Variants in GTF3C2 observed in about 807,000 individuals in gnomAD.
GTF3C2 encodes general transcription factor 3C polypeptide 2.
In GTF3C2, 17 loss-of-function variants were observed where a neutral mutation model predicts 117.4. That is an observed-to-expected ratio of 0.14 (90% confidence interval 0.10 to 0.22). GTF3C2 has a LOEUF of 0.22. Among genes scored for constraint, GTF3C2 ranks in the 10% least tolerant of loss-of-function variants. The pLI is 1.00. For synonymous variants in GTF3C2, 437 were observed against 427.0 expected (o/e 1.02, Z -0.29); for missense variants, 888 against 1,143.6 (o/e 0.78, Z 3.22).
chr2:27,356,228 C>A, intron 1 of GTF3C2: 1 of 552,336 alleles, frequency 1.8e-6, no homozygotes. Context: ...ACGCCAATGG[C>A]GTTGCAGCGC....
At chr2:27,326,139 T>C (rs931276780) in exon 19 of GTF3C2, 3 of 459,138 alleles carry the variant, frequency 6.5e-6, no homozygotes, top group African/African-American at 2.0e-5. Context: ...GTCTGTGGTA[T>C]TCCTTGGTCA....
intron 15 of GTF3C2, 57 bp from the exon 16 acceptor site, chr2:27,328,653 G>T: frequency 3.5e-6 from 5 of 1,416,820 alleles, no homozygotes; most frequent in Non-Finnish European, 5.0e-6. Flanking sequence ...CTATGAACTG[G>T]TAACAGCTGC....
Position 27,341,933 on chromosome 2 carries a change from G to C in GTF3C2, c.855+15C>G, listed in dbSNP as rs1241118605. 5 of 1,606,738 alleles carry C rather than the reference G, an allele frequency of 3.1e-6. No homozygotes were observed. In the African/African-American group the frequency reaches 5.4e-5, roughly 17 times the overall value. ...CTACTATGTCCCCATTCACTTTCTT[G>C]TCCATTGAGGTTACCCCTGAAGTAG... On this transcript the variant is annotated intron_variant, in intron 4 of 18. Transcript: ENST00000264720.
At chr2:27,331,765 C>A (rs920971976) in intron 12 of GTF3C2, among the ~76,000 whole-genome samples, 3 of 151,902 alleles carry the variant, frequency 2.0e-5, no homozygotes, top group African/African-American at 7.3e-5. Context: ...ATGGCGAAAC[C>A]CCGTCTCTAC....
chr2:27,326,105 G>C (rs940534316), exon 19 of GTF3C2: 1 of 424,402 alleles, frequency 2.4e-6, no homozygotes, highest in East Asian at 7.1e-5. Context: ...AGTAAGATCT[G>C]AGCCACTGTT....
Position 27,329,514 on chromosome 2 carries a change from A to G in GTF3C2, c.1742T>C (p.Val581Ala). 6.2e-7 allele frequency: 1 copy of G among 1,613,990 alleles called. No individual in the cohort carries two copies. The highest frequency in any genetic ancestry group is 1.3e-5 in the African/African-American group (1 of 75,012). Residue 581 changes from valine to alanine, a missense_variant, in exon 13 of 19, where the codon GTT (valine) becomes GCT (alanine). Physicochemically the swap from Val to Ala is moderately conservative, Grantham distance 64. Around this residue, in one of 7 missense-constraint regions of GTF3C2, gnomAD observed 277 missense variants for 445.4 expected, o/e 0.62. Transcript: ENST00000264720. The surrounding 1 kb of genome is among the most constrained non-coding windows in gnomAD (Gnocchi z 4.5). ...TGAGTTAGTGGGAAGGTTCCAGAAAACCACCATGCCTGAAATAAGGACAGA... is the reference window on the plus strand; with the variant it reads ...TGAGTTAGTGGGAAGGTTCCAGAAAGCCACCATGCCTGAAATAAGGACAGA...
Position 27,354,137 on chromosome 2 carries a change from G to C in GTF3C2, c.-25+2602C>G, listed in dbSNP as rs144490998. ...CAACAACAACAAAAATGTTTAATTA[G>C]CTGGGTGTGGTGGCAAATACCTGTA... On this transcript the variant is annotated intron_variant, in intron 1 of 18. Transcript: ENST00000264720. 4.0e-3 allele frequency among the ~76,000 whole-genome samples: 600 copies of C among 151,050 alleles called. 5 individuals are homozygous for C. Among genetic ancestry groups the C allele is most frequent in the African/African-American group, 0.014 (576 of 41,046 alleles).
chr2:27,327,968 C>A (rs975730552), intron 17 of GTF3C2, 69 bp downstream of exon 17: 9 of 1,302,400 alleles, frequency 6.9e-6, no homozygotes, highest in Non-Finnish European at 9.7e-6. Context: ...CTCAGGCTTG[C>A]GTACTATACA....
intron 17 of GTF3C2, among the ~76,000 whole-genome samples, chr2:27,327,516 G>A (rs762434946): frequency 1.8e-4 from 27 of 151,692 alleles, no homozygotes; most frequent in Admixed American, 1.7e-3. Flanking sequence ...AGTAGACAGG[G>A]TTTCACCATG....
In GTF3C2 at chr2:27,329,067, G is replaced by C; in HGVS notation, c.2039+54C>G. 1 of 1,587,262 alleles carries C rather than the reference G, an allele frequency of 6.3e-7. No homozygotes were observed. On this transcript the variant is annotated intron_variant, in intron 14 of 18. Transcript: ENST00000264720. This position sits in a 1 kb window ranked among gnomAD's most constrained non-coding sequence, Gnocchi z 4.5. ...TCCCCACAACAATCTGGCATGCTTT[G>C]CATTCCAACCCTTAGGGCCTGTCCC... is the stretch of plus-strand genomic sequence containing the variant.
chr2:27,327,155 G>A (rs369880736), intron 18 of GTF3C2, 22 bp downstream of exon 18: 7 of 1,252,804 alleles, frequency 5.6e-6, no homozygotes, highest in Non-Finnish European at 8.2e-6. Context: ...GAGAGTGGAG[G>A]GTGGAGAGGA....
rs1167577750 is a variant in GTF3C2, at chr2:27,335,587, G to A, written c.1576+11C>T. 1.4e-6 allele frequency: 2 copies of A among 1,435,178 alleles called. No homozygotes were observed. Among genetic ancestry groups the A allele is most frequent in the Non-Finnish European group, 1.9e-6 (2 of 1,040,494 alleles). The allele number at this position is 1,435,178 out of a possible 1,614,324, so 88.9% of individuals were successfully genotyped here. A position where few individuals can be genotyped will look rare whatever the true frequency, so the allele number is the denominator to read the frequency against. ...CTACAGCAGCCCCATTCTCCTTGCT[G>A]TGCTACTCACCTGGGGGTTGCTGAG... On this transcript the variant is annotated intron_variant, in intron 10 of 18. Coordinates refer to ENST00000264720, the Ensembl canonical transcript of GTF3C2.
At position 27,326,963 on chromosome 2, in the gene GTF3C2, GAACA is replaced by G; in HGVS notation, c.2518-74_2518-71del. 5 of 912,464 alleles carry G rather than the reference GAACA, an allele frequency of 5.5e-6. No individual in the cohort carries two copies. In the East Asian group the frequency reaches 8.0e-5, roughly 15 times the overall value. The allele number at this position is 912,464 out of a possible 1,614,324, so 56.5% of individuals were successfully genotyped here. ...GCTTTAGGGTGACTCCTAGCTGTATGAACAAAAAAAAAAAATGAGCCACAATCTG... is the reference window on the plus strand; with the variant it reads ...GCTTTAGGGTGACTCCTAGCTGTATGAAAAAAAAAAATGAGCCACAATCTG... On this transcript the variant is annotated intron_variant, in intron 18 of 18. Coordinates refer to ENST00000264720, the Ensembl canonical transcript of GTF3C2.
intron 4 of GTF3C2, chr2:27,340,481 G>C (rs985021728): frequency 6.6e-6 from 1 of 152,084 alleles, no homozygotes; most frequent in Non-Finnish European, 1.5e-5. Context: ...TGATCCACCT[G>C]CCTTGGCTTC....
At position 27,342,813 on chromosome 2, in the gene GTF3C2, C is replaced by T; in HGVS notation, c.569+13G>A. On this transcript the variant is annotated intron_variant, in intron 3 of 18. Transcript: ENST00000264720. ...CAACCCCCCTCCACCAAGCTATGCC[C>T]CACAATCCTTACACTTGGGCAGCCC... The T allele has an allele frequency of 6.2e-7, 1 of 1,606,128 alleles. No individual in the cohort carries two copies. The highest frequency in any genetic ancestry group is 8.5e-7 in the Non-Finnish European group (1 of 1,174,686).
intron 4 of GTF3C2, chr2:27,341,636 T>G: frequency 3.8e-6 from 1 of 264,294 alleles, no homozygotes; most frequent in Non-Finnish European, 7.2e-6. Flanking sequence ...GCCTAAATCA[T>G]TTTGTTCACT....
chr2:27,337,757 T>A, intron 5 of GTF3C2, 169 bp downstream of exon 5: 1 of 696,808 alleles, frequency 1.4e-6, no homozygotes. Flanking sequence ...TTCACTTTAA[T>A]TAAAGAGTTC....
At chr2:27,347,488 T>C (rs922707091) in intron 1 of GTF3C2, among the ~76,000 whole-genome samples, 1 of 152,154 alleles carries the variant, frequency 6.6e-6, no homozygotes, top group Admixed American at 6.6e-5. Flanking sequence ...TGAAAATCCA[T>C]CTATATTATT....
At chr2:27,351,481 C>T (rs1211409822) in intron 1 of GTF3C2, among the ~76,000 whole-genome samples, 1 of 152,066 alleles carries the variant, frequency 6.6e-6, no homozygotes, top group Non-Finnish European at 1.5e-5. Context: ...AATCAACAAG[C>T]CCCTACCACA....
Sources: gnomAD v4.1 joint callset for allele counts (sites outside exome capture counted in the v4.1 genomes callset) on GRCh38, gnomAD v4.1.1 for gene constraint, gnomAD v4.1.1 regional missense constraint, Gnocchi (gnomAD v3.1) non-coding constraint, MANE v1.5 for transcripts, NCBI Gene and HGNC (gene_info 2026-07-23, HGNC 2026-07-21) for gene names.